NIN: variants seen among roughly 807,000 people sequenced by gnomAD.
NIN encodes glycogen synthase kinase 3 beta-interacting protein.
In NIN, 137 loss-of-function variants were observed where a neutral mutation model predicts 257.6. The ratio of observed to expected loss-of-function variants is 0.53; its 90% confidence interval spans 0.46 to 0.61. The LOEUF (loss-of-function observed/expected upper bound fraction) is 0.61. NIN is among the 20% of genes least tolerant of loss of function. The pLI, the probability that NIN is intolerant of heterozygous loss-of-function variation, is 0.00. For missense variants in NIN, 2,439 were observed against 2,501.2 expected, an observed-to-expected ratio of 0.98 and a Z score of 0.53; for synonymous variants, 918 against 919.8, an observed-to-expected ratio of 1.00 and a Z score of 0.04.
chr14:50,829,840 C>A (rs1049325784), intron 2 of NIN, among the ~76,000 whole-genome samples: 5 of 152,212 alleles, frequency 3.3e-5, no homozygotes, highest in African/African-American at 1.2e-4. Context: ...TGACTGTTCC[C>A]ATCACCTAGT....
intron 28 of NIN, among the ~76,000 whole-genome samples, chr14:50,734,319 T>G (rs1452657579): frequency 2.0e-5 from 3 of 152,112 alleles, no homozygotes; most frequent in Admixed American, 6.5e-5. Flanking sequence ...CTCGAACTCC[T>G]GACCTCAGGT....
intron 28 of NIN, 132 bp from the exon 29 acceptor site, chr14:50,729,855 A>G: frequency 1.6e-6 from 1 of 629,964 alleles, no homozygotes; most frequent in Non-Finnish European, 2.6e-6. Flanking sequence ...ACTTGGAAAC[A>G]GGACAGCATA....
In NIN at chr14:50,756,789, C is replaced by A. The variant is rs775121877; in HGVS notation, c.4241G>T (p.Gly1414Val). 2.4e-5 allele frequency: 38 copies of A among 1,551,526 alleles called. No individual in the cohort carries two copies. The East Asian group carries it at 9.0e-4, about 37-fold the overall frequency. The change falls in exon 18 of 31, where the codon GGA (glycine) becomes GTA (valine). Residue 1414 changes from glycine to valine, a missense_variant. Gly to Val is a moderately radical substitution (Grantham distance 109). Coordinates refer to ENST00000530997, the MANE Select transcript of NIN (RefSeq NM_020921.4). ...CCTTTCTTGATGTGTCTGAATTGTTCCATGTAACCAGGCAATTTCATGTGC... is the reference window on the plus strand; with the variant it reads ...CCTTTCTTGATGTGTCTGAATTGTTACATGTAACCAGGCAATTTCATGTGC... ...VKAHEIAWLHGTIQTHQERPR... is the reference protein window; with the variant it reads ...VKAHEIAWLHVTIQTHQERPR...
intron 5 of NIN, among the ~76,000 whole-genome samples, chr14:50,781,197 G>A (rs924865816): frequency 1.3e-5 from 2 of 152,016 alleles, no homozygotes; most frequent in African/African-American, 4.8e-5. Flanking sequence ...TTCCACCTAT[G>A]ACAAATAAAA....
Position 50,736,780 on chromosome 14 carries a change from T to C in NIN, c.5776-1163A>G, listed in dbSNP as rs557104247. Among the ~76,000 whole-genome samples, 5 of 152,350 alleles carry C rather than the reference T, an allele frequency of 3.3e-5. No individual in the cohort carries two copies. In the East Asian group the frequency reaches 7.7e-4, roughly 23 times the overall value. Reference sequence around the variant, plus strand: ...GTCTTCTTACTGCAAATGGTCATGATAACTTTCACAAAAAACAAAAATTTT... The same window carrying C: ...GTCTTCTTACTGCAAATGGTCATGACAACTTTCACAAAAAACAAAAATTTT... On this transcript the variant is annotated intron_variant, in intron 27 of 30. Transcript: ENST00000530997.
chr14:50,763,460 TAC>T (rs1201197153), intron 15 of NIN, among the ~76,000 whole-genome samples: 1 of 152,222 alleles, frequency 6.6e-6, no homozygotes, highest in Non-Finnish European at 1.5e-5. Context: ...TCATATGAGT[TAC>T]ACACTCTCTT....
intron 2 of NIN, chr14:50,823,581 G>A: frequency 5.2e-6 from 1 of 193,716 alleles, no homozygotes; most frequent in South Asian, 7.4e-5. Flanking sequence ...GCTACAACAG[G>A]GCCACGATCT....
intron 5 of NIN, among the ~76,000 whole-genome samples, chr14:50,786,651 A>AT (rs1280321398): frequency 1.3e-5 from 2 of 152,156 alleles, no homozygotes; most frequent in African/African-American, 4.8e-5. Context: ...AAAAAAGTCC[A>AT]TCCTGAAGAC....
rs17122937 is a variant in NIN at position 50,822,604 on chromosome 14, C to T, written c.-21-527G>A. On this transcript the variant is annotated intron_variant, in intron 2 of 30. Coordinates refer to ENST00000530997, the MANE Select transcript of NIN (RefSeq NM_020921.4). ...ATCGGTCAGCGTGGCCAAGCTGATT[C>T]GTTCTACTTCATTCAGCTTAGATGG... Among the ~76,000 whole-genome samples, 11 of 152,306 alleles carry T rather than the reference C, an allele frequency of 7.2e-5. No homozygotes were observed. In the South Asian group the frequency reaches 1.0e-3, roughly 14 times the overall value.
rs750212282 is a variant in NIN, at chr14:50,752,687, G to C, written c.4781C>G (p.Thr1594Arg). Residue 1594 changes from threonine (T) to arginine (R), a missense_variant, in exon 21 of 31, where the codon ACA (threonine) becomes AGA (arginine). Coordinates refer to ENST00000530997, the MANE Select transcript of NIN (RefSeq NM_020921.4). ...IKNQQLDLEN[T>R]ELSQKNSQNQ... ...TTGAGAGTTCTTTTGGCTAAGTTCT[G>C]TATTTTCCAAATCCAATTGTTGGTT... The C allele has an allele frequency of 1.1e-5, 17 of 1,605,828 alleles. No homozygotes were observed. Among genetic ancestry groups the C allele is most frequent in the Admixed American group, 8.4e-5 (5 of 59,344 alleles).
intron 12 of NIN, among the ~76,000 whole-genome samples, chr14:50,769,690 CAG>C (rs765801155): frequency 6.6e-5 from 10 of 152,114 alleles, no homozygotes; most frequent in Non-Finnish European, 1.3e-4. Flanking sequence ...TTAGTAGAGA[CAG>C]GGTTTCACGA....
At position 50,792,727 on chromosome 14, in the gene NIN, G is replaced by T; in HGVS notation, c.420C>A (p.Ala140=). 6.2e-7 allele frequency: 1 copy of T among 1,614,126 alleles called. No individual in the cohort carries two copies. Among genetic ancestry groups the T allele is most frequent in the African/African-American group, 1.3e-5 (1 of 75,028 alleles). ...GATTCCTTACCTCACTGCAGTCACC[G>T]GCTGGGATGTGTGAAGGCCGCGCTT... is the stretch of plus-strand genomic sequence containing the variant. ...DEEARPSHIP[A]GDCSEHWKTQ... is the part of the protein sequence containing the mutation. Residue 140 remains alanine, a synonymous_variant, in exon 5 of 31, where the codon GCC becomes GCA. Transcript: ENST00000530997.
At chr14:50,778,321 G>A (rs533999765) in intron 6 of NIN, among the ~76,000 whole-genome samples, 2 of 152,246 alleles carry the variant, frequency 1.3e-5, no homozygotes, top group East Asian at 3.9e-4. Context: ...GGGACGACAG[G>A]CATGTGCTAC....
At chr14:50,785,087 A>G (rs1227935371) in intron 5 of NIN, among the ~76,000 whole-genome samples, 1 of 152,244 alleles carries the variant, frequency 6.6e-6, no homozygotes, top group Non-Finnish European at 1.5e-5. Context: ...CATGCTGGCC[A>G]TTGTAGCCAG....
intron 14 of NIN, among the ~76,000 whole-genome samples, chr14:50,765,290 G>A (rs767418947): frequency 1.3e-5 from 2 of 152,058 alleles, no homozygotes; most frequent in African/African-American, 4.8e-5. Context: ...TCTGAAGGTA[G>A]AGCTGACAGC....
In NIN at chr14:50,786,914, A is replaced by C. The variant is rs117697510; in HGVS notation, c.435+5798T>G. Among the ~76,000 whole-genome samples the C allele has an allele frequency of 3.2e-3, 491 of 152,376 alleles. 1 individual carries two copies. The highest frequency in any genetic ancestry group is 5.2e-3 in the Admixed American group (79 of 15,312). ...ATGAACATAAGGGAAAAGATAAGTC[A>C]GTTTCACACTTCTTGAAGAAGTTTC... On this transcript the variant is annotated intron_variant, in intron 5 of 30. Transcript: ENST00000530997.
chr14:50,728,939 T>A (rs1185208085), intron 29 of NIN, among the ~76,000 whole-genome samples: 4 of 152,244 alleles, frequency 2.6e-5, no homozygotes, highest in African/African-American at 9.6e-5. Flanking sequence ...AGTCATCACT[T>A]GTGATTTTCA....
chr14:50,757,280 C>T lies in NIN; in HGVS notation c.3750G>A (p.Leu1250=), dbSNP rs796271428. The T allele has an allele frequency of 1.2e-6, 2 of 1,614,070 alleles. No individual in the cohort carries two copies. The highest frequency in any genetic ancestry group is 2.7e-5 in the African/African-American group (2 of 74,918). The change falls in exon 18 of 31, where the codon CTG becomes CTA. Residue 1250 remains leucine (L), a synonymous_variant. Coordinates refer to ENST00000530997, the MANE Select transcript of NIN (RefSeq NM_020921.4). ...RIPEASPKYK[L]LYEDVSREND... ...TTTCTCGGCTCACATCTTCATACAA[C>T]AGCTTATATTTGGGAGAAGCCTCAG...
chr14:50,727,113 G>T, intron 29 of NIN: 1 of 306,250 alleles, frequency 3.3e-6, no homozygotes, highest in Non-Finnish European at 4.1e-6. Context: ...GCTTTTTAAA[G>T]TTCAAACATA....
Sources: allele counts gnomAD v4.1 joint callset (sites outside exome capture counted in the v4.1 genomes callset), GRCh38; gene constraint gnomAD v4.1.1; transcripts MANE v1.5; gene names NCBI Gene and HGNC (gene_info 2026-07-23, HGNC 2026-07-21).